Variants in ACTR2 observed in about 807,000 individuals in gnomAD.
ACTR2 encodes actin-related protein 2.
In ACTR2, 5 loss-of-function variants were observed where a neutral mutation model predicts 50.2. That is an observed-to-expected ratio of 0.10 (90% CI 0.05 to 0.21). The LOEUF is 0.21. Among genes scored for constraint, ACTR2 ranks in the 10% least tolerant of loss-of-function variants. The probability of loss-of-function intolerance (pLI) is 1.00; values close to 1 mark genes in which losing one functional copy is unlikely to be tolerated. For synonymous variants in ACTR2, 140 were observed against 162.9 expected (o/e 0.86, Z 1.07); for missense variants, 180 against 480.6 (o/e 0.37, Z 5.85).
intron 1 of ACTR2, among the ~76,000 whole-genome samples, chr2:65,232,176 T>G (rs1297634491): frequency 6.6e-6 from 1 of 152,200 alleles, no homozygotes; most frequent in Non-Finnish European, 1.5e-5. Context: ...TAGGTTTAGG[T>G]CCTCTTCACG....
At chr2:65,242,685 A>G (rs1671862532) in intron 2 of ACTR2, 2 of 506,762 alleles carry the variant, frequency 3.9e-6, no homozygotes, top group African/African-American at 3.9e-5. Context: ...TTCCCCCCCA[A>G]ACATTGTACA....
At chr2:65,249,593 A>G (rs1217107556) in intron 3 of ACTR2, among the ~76,000 whole-genome samples, 2 of 152,226 alleles carry the variant, frequency 1.3e-5, no homozygotes, top group Non-Finnish European at 2.9e-5. Context: ...TGTAGAATTT[A>G]AATTCTGTGT....
rs1671942733 is a variant in ACTR2, at chr2:65,246,511, C to T, written c.160-13C>T. On this transcript the variant is annotated splice_polypyrimidine_tract_variant and intron_variant, in intron 2 of 8. Coordinates refer to ENST00000260641, the MANE Select transcript of ACTR2 (RefSeq NM_005722.4). ...GCAAAACTTTGATCTACAGCTTTGA[C>T]ATAATTTTCTAGGATCTTATGGTTG... is the stretch of plus-strand genomic sequence containing the variant. 6.4e-7 allele frequency: 1 copy of T among 1,562,250 alleles called. No individual in the cohort carries two copies. The highest frequency in any genetic ancestry group is 1.4e-5 in the African/African-American group (1 of 72,690).
intron 1 of ACTR2, among the ~76,000 whole-genome samples, chr2:65,232,380 A>G (rs1281672085): frequency 1.3e-5 from 2 of 152,234 alleles, no homozygotes; most frequent in African/African-American, 4.8e-5. Flanking sequence ...TATGTAATTG[A>G]CATTTGTAGT....
rs185150978 is a variant in ACTR2 at position 65,242,376 on chromosome 2, G to T, written c.159+2414G>T. Among the ~76,000 whole-genome samples the T allele has an allele frequency of 1.1e-4, 17 of 152,242 alleles. No individual in the cohort carries two copies. In the East Asian group the frequency reaches 2.5e-3, roughly 22 times the overall value. On this transcript the variant is annotated intron_variant, in intron 2 of 8. Coordinates refer to ENST00000260641, the MANE Select transcript of ACTR2 (RefSeq NM_005722.4). ...GTGTTGTGCATAATATTAGAAACCA[G>T]ATGGCTTTATATAGGATATGTGTGA... is the stretch of plus-strand genomic sequence containing the variant.
intron 7 of ACTR2, among the ~76,000 whole-genome samples, chr2:65,262,388 C>T (rs1235898908): frequency 6.6e-6 from 1 of 150,394 alleles, no homozygotes; most frequent in Admixed American, 6.7e-5. Context: ...TACCACCATG[C>T]CCAGAATTTT....
In ACTR2 at chr2:65,270,045, A is replaced by G. The variant is rs146651029; in HGVS notation, c.*1311A>G. 8 of 152,336 alleles carry G rather than the reference A, an allele frequency of 5.3e-5. No individual in the cohort carries two copies. The highest frequency in any genetic ancestry group is 7.2e-5 in the African/African-American group (3 of 41,580). The allele number at this position is 152,336 out of a possible 1,614,324, so 9.4% of individuals were successfully genotyped here. Reference sequence around the variant, plus strand: ...TTTCCTGCCAGTGTCAGAAAATCCTATTTATGAATCCTGTCGGTATTCCTT... The same window carrying G: ...TTTCCTGCCAGTGTCAGAAAATCCTGTTTATGAATCCTGTCGGTATTCCTT... On this transcript the variant is annotated 3_prime_UTR_variant, in exon 9 of 9. Coordinates refer to ENST00000260641, the MANE Select transcript of ACTR2 (RefSeq NM_005722.4).
chr2:65,228,228 C>T lies in ACTR2; in HGVS notation c.48+271C>T, dbSNP rs976971657. On this transcript the variant is annotated intron_variant, in intron 1 of 8. Coordinates refer to ENST00000260641, the MANE Select transcript of ACTR2 (RefSeq NM_005722.4). ...CTGGACATGGAGCCTACTGACCGCC[C>T]GGCAGGGACCTGCTCCGCGCTAATG... is the stretch of plus-strand genomic sequence containing the variant. 2.4e-5 allele frequency: 9 copies of T among 369,226 alleles called. No individual in the cohort carries two copies. The South Asian group carries it at 6.5e-4, about 27-fold the overall frequency. 22.9% of individuals were successfully genotyped at this position (369,226 alleles called of 1,614,324 possible).
chr2:65,236,304 C>T (rs1159701726), intron 1 of ACTR2, among the ~76,000 whole-genome samples: 1 of 151,210 alleles, frequency 6.6e-6, no homozygotes, highest in African/African-American at 2.4e-5. Flanking sequence ...TCACTGCACT[C>T]CAGCCTGGGT....
At chr2:65,260,137 T>C (rs1330806769) in intron 6 of ACTR2, among the ~76,000 whole-genome samples, 2 of 152,212 alleles carry the variant, frequency 1.3e-5, no homozygotes, top group South Asian at 4.1e-4. Context: ...TTGATAGAAG[T>C]GGTACACATG....
intron 7 of ACTR2, among the ~76,000 whole-genome samples, chr2:65,262,060 T>C (rs542089483): frequency 6.6e-6 from 1 of 152,352 alleles, no homozygotes; most frequent in East Asian, 1.9e-4. Context: ...TGCCCATTTA[T>C]TAATTGGGTT....
chr2:65,267,487 CAT>C lies in ACTR2; in HGVS notation c.1015-1075_1015-1074del, dbSNP rs1672394765. The stretch of plus-strand genomic sequence containing the variant: ...TAAATATACAAATGATTTAGAATGA[CAT>C]AGTTACATTGGGTCTTTTTTGCAGA... On this transcript the variant is annotated intron_variant, in intron 8 of 8. Coordinates refer to ENST00000260641, the MANE Select transcript of ACTR2 (RefSeq NM_005722.4). Among the ~76,000 whole-genome samples the C allele has an allele frequency of 2.0e-5, 3 of 152,264 alleles. No homozygotes were observed. The South Asian group carries it at 6.2e-4, about 32-fold the overall frequency.
intron 2 of ACTR2, chr2:65,242,737 C>T: frequency 2.3e-6 from 1 of 439,096 alleles, no homozygotes; most frequent in East Asian, 6.5e-5. Flanking sequence ...GGTCTTATCT[C>T]AGACATTTAA....
chr2:65,264,869 A>C (rs181607965), intron 7 of ACTR2, among the ~76,000 whole-genome samples, 174 bp from the exon 8 acceptor site: 1 of 152,214 alleles, frequency 6.6e-6, no homozygotes, highest in Non-Finnish European at 1.5e-5. Flanking sequence ...TTATATGTAA[A>C]GAGGGGTCGT....
chr2:65,239,662 G>A (rs1226710326), intron 1 of ACTR2, among the ~76,000 whole-genome samples, 190 bp from the exon 2 acceptor site: 2 of 152,188 alleles, frequency 1.3e-5, no homozygotes, highest in African/African-American at 2.4e-5. Context: ...ATGAACCCTG[G>A]AAGTAGGCAA....
chr2:65,245,957 A>C (rs945797398), intron 2 of ACTR2, among the ~76,000 whole-genome samples: 8 of 151,994 alleles, frequency 5.3e-5, no homozygotes, highest in African/African-American at 1.9e-4. Context: ...AAACAGTTTA[A>C]ATTCTTATTC....
chr2:65,264,273 A>G (rs1672332458), intron 7 of ACTR2, among the ~76,000 whole-genome samples: 1 of 152,202 alleles, frequency 6.6e-6, no homozygotes, highest in Non-Finnish European at 1.5e-5. Flanking sequence ...TTTATGCGAC[A>G]TTCACTGGGC....
chr2:65,254,399 A>G (rs1672109695), intron 5 of ACTR2, among the ~76,000 whole-genome samples: 1 of 152,142 alleles, frequency 6.6e-6, no homozygotes, highest in Non-Finnish European at 1.5e-5. Context: ...AGTTTTTAAT[A>G]TTTACTATTT....
chr2:65,260,365 G>A (rs189333395), intron 6 of ACTR2, among the ~76,000 whole-genome samples: 1 of 152,134 alleles, frequency 6.6e-6, no homozygotes, highest in African/African-American at 2.4e-5. Flanking sequence ...AAATATGCTG[G>A]CGTGGTGGCA....
Sources: allele counts gnomAD v4.1 joint callset (sites outside exome capture counted in the v4.1 genomes callset), GRCh38; gene constraint gnomAD v4.1.1; transcripts MANE v1.5; gene names NCBI Gene and HGNC (gene_info 2026-07-23, HGNC 2026-07-21).